PDGFRL: variants seen among roughly 807,000 people sequenced by gnomAD.
The protein encoded by PDGFRL is platelet derived growth factor receptor like.
A neutral mutation model predicts 37.2 loss-of-function variants in PDGFRL; 46 were observed. That is an observed-to-expected ratio of 1.24 (90% CI 0.98 to 1.58). The LOEUF (loss-of-function observed/expected upper bound fraction) is 1.58, where lower values mean the gene tolerates loss of function less well. PDGFRL is among the 40% of genes most tolerant of loss of function. The pLI is 0.00. For missense variants in PDGFRL, 692 were observed against 467.6 expected (o/e 1.48, Z -4.43); for synonymous variants, 251 against 184.3 (o/e 1.36, Z -2.93).
intron 5 of PDGFRL, among the ~76,000 whole-genome samples, chr8:17,641,066 G>T (rs1443530021): frequency 1.3e-5 from 2 of 152,096 alleles, no homozygotes; most frequent in East Asian, 3.9e-4. Context: ...AAAGCCAGCA[G>T]TTACAGGCCT....
intron 2 of PDGFRL, among the ~76,000 whole-genome samples, chr8:17,593,277 A>G (rs948524712): frequency 4.6e-5 from 7 of 152,064 alleles, no homozygotes; most frequent in African/African-American, 1.7e-4. Context: ...TAAAAAACAT[A>G]TAACATAGGT....
chr8:17,615,404 T>C (rs1190090809), intron 2 of PDGFRL, among the ~76,000 whole-genome samples: 1 of 152,148 alleles, frequency 6.6e-6, no homozygotes, highest in African/African-American at 2.4e-5. Flanking sequence ...TTTCATTTCA[T>C]TTCTGTAGGA....
At chr8:17,589,401 T>G (rs1218516884) in intron 1 of PDGFRL, 67 bp from the exon 2 acceptor site, 21 of 1,221,052 alleles carry the variant, frequency 1.7e-5, no homozygotes, top group Non-Finnish European at 1.5e-5. Flanking sequence ...AAAAAAAAAG[T>G]TATTGGCCTC....
chr8:17,577,075 A>G (rs1585291505), upstream of PDGFRL: 4 of 957,042 alleles, frequency 4.2e-6, no homozygotes, highest in East Asian at 5.4e-5. Flanking sequence ...CACATTACAC[A>G]GAGAACTAAA....
At chr8:17,578,166 C>T (rs1803628760) in intron 1 of PDGFRL, among the ~76,000 whole-genome samples, 1 of 152,162 alleles carries the variant, frequency 6.6e-6, no homozygotes, top group Admixed American at 6.5e-5. Flanking sequence ...CATGTTTCAT[C>T]TGGGTGCCTC....
At chr8:17,616,264 A>G (rs1014411501) in intron 2 of PDGFRL, among the ~76,000 whole-genome samples, 2 of 151,966 alleles carry the variant, frequency 1.3e-5, no homozygotes, top group African/African-American at 2.4e-5. Context: ...CCGCAATCTC[A>G]GCTCACTGCA....
intron 2 of PDGFRL, 46 bp downstream of exon 2, chr8:17,589,811 A>G (rs1803896361): frequency 8.8e-7 from 1 of 1,136,028 alleles, no homozygotes; most frequent in African/African-American, 1.5e-5. Flanking sequence ...GATTTGTAAT[A>G]GTTAACAAAA....
At chr8:17,606,076 ATATCT>A (rs1554551547) in intron 2 of PDGFRL, among the ~76,000 whole-genome samples, 2 of 152,196 alleles carry the variant, frequency 1.3e-5, no homozygotes, top group East Asian at 1.9e-4. Flanking sequence ...AAAAGGAGAA[ATATCT>A]TAAGTGGTTA....
At chr8:17,592,974 A>G (rs1455299071) in intron 2 of PDGFRL, among the ~76,000 whole-genome samples, 1 of 151,962 alleles carries the variant, frequency 6.6e-6, no homozygotes, top group Non-Finnish European at 1.5e-5. Context: ...ACACCTTGAG[A>G]GTAAATAAAA....
Position 17,642,847 on chromosome 8 carries a change from ACACAGTCAGCT to A in PDGFRL, c.*47_*57del. 1 of 1,273,548 alleles carries A rather than the reference ACACAGTCAGCT, an allele frequency of 7.9e-7. No individual in the cohort carries two copies. The highest frequency in any genetic ancestry group is 1.1e-6 in the Non-Finnish European group (1 of 880,204). 78.9% of individuals were successfully genotyped at this position (1,273,548 alleles called of 1,614,324 possible). The stretch of plus-strand genomic sequence containing the variant: ...GAACTTATGGAAAGCCCATTTGTGT[ACACAGTCAGCT>A]TTGGGGTTCCTTTTATTAGTGCTTT... On this transcript the variant is annotated 3_prime_UTR_variant, in exon 6 of 6. Coordinates refer to ENST00000251630, the MANE Select transcript of PDGFRL (RefSeq NM_001372073.1).
intron 3 of PDGFRL, among the ~76,000 whole-genome samples, chr8:17,625,731 G>A (rs1486262268): frequency 1.3e-5 from 2 of 151,888 alleles, no homozygotes; most frequent in Non-Finnish European, 2.9e-5. Flanking sequence ...GCTCATGCCT[G>A]TAATCTCAGC....
intron 2 of PDGFRL, among the ~76,000 whole-genome samples, chr8:17,610,038 A>G (rs1804375106): frequency 6.6e-6 from 1 of 152,194 alleles, no homozygotes; most frequent in Non-Finnish European, 1.5e-5. Context: ...TCCAGGCCCC[A>G]TGGCTGTTGC....
At chr8:17,631,521 C>T (rs543734440) in intron 4 of PDGFRL, among the ~76,000 whole-genome samples, 1 of 152,164 alleles carries the variant, frequency 6.6e-6, no homozygotes, top group African/African-American at 2.4e-5. Flanking sequence ...CCTGCTCCAC[C>T]TCCCCCAGTG....
At chr8:17,596,965 T>A (rs2246480) in intron 2 of PDGFRL, among the ~76,000 whole-genome samples, 66,129 of 152,100 alleles carry the variant, frequency 0.43, 16,248 homozygotes, top group Middle Eastern at 0.6. Flanking sequence ...GCTATGACAG[T>A]GTTGGGTTTG....
chr8:17,591,302 C>G (rs910790575), intron 2 of PDGFRL, among the ~76,000 whole-genome samples: 6 of 152,110 alleles, frequency 3.9e-5, no homozygotes, highest in African/African-American at 1.4e-4. Context: ...GGCTTCTAGA[C>G]CAGGAAGAGT....
At chr8:17,636,560 GT>G (rs61639137) in intron 5 of PDGFRL, among the ~76,000 whole-genome samples, 115,135 of 145,244 alleles carry the variant, frequency 0.79, 46,741 homozygotes, top group Non-Finnish European at 0.9. Flanking sequence ...CTCTAGATTT[GT>G]TTTTTTTTTT....
chr8:17,584,998 A>AAGGG (rs998654040), intron 1 of PDGFRL, among the ~76,000 whole-genome samples: 7 of 144,024 alleles, frequency 4.9e-5, no homozygotes, highest in Non-Finnish European at 9.5e-5. Context: ...TTTTCCGGGA[A>AAGGG]AGGGACGGGA....
chr8:17,614,880 C>A (rs1804492480), intron 2 of PDGFRL, among the ~76,000 whole-genome samples: 1 of 152,184 alleles, frequency 6.6e-6, no homozygotes. Flanking sequence ...TCAAATTCTT[C>A]TCTGGCAGCT....
In PDGFRL at chr8:17,602,855, T is replaced by C. The variant is rs375763866; in HGVS notation, c.353+13090T>C. Among the ~76,000 whole-genome samples, 33 of 152,352 alleles carry C rather than the reference T, an allele frequency of 2.2e-4. No homozygotes were observed. In the East Asian group the frequency reaches 3.1e-3, roughly 14 times the overall value. On this transcript the variant is annotated intron_variant, in intron 2 of 5. Coordinates refer to ENST00000251630, the MANE Select transcript of PDGFRL (RefSeq NM_001372073.1). ...ATGAAGAAACATTCCAAATGAGAAC[T>C]GAGTGGATACAATATGTGCCCACTT...
Sources: allele counts gnomAD v4.1 joint callset (sites outside exome capture counted in the v4.1 genomes callset), GRCh38; gene constraint gnomAD v4.1.1; transcripts MANE v1.5; gene names NCBI Gene and HGNC (gene_info 2026-07-23, HGNC 2026-07-21).